The following TRIM69 variants were observed in gnomAD, a reference collection of about 807,000 sequenced individuals.
The protein encoded by TRIM69 is E3 ubiquitin-protein ligase TRIM69.
A neutral mutation model predicts 37.7 loss-of-function variants in TRIM69; 29 were observed. The observed-to-expected ratio is 0.77, with a 90% confidence interval of 0.57 to 1.05. The LOEUF is 1.05. Among genes scored for constraint, TRIM69 ranks in the 50% least tolerant of loss-of-function variants. The pLI is 0.00. For synonymous variants in TRIM69, 209 were observed against 212.4 expected (o/e 0.98, Z 0.14); for missense variants, 596 against 579.9 (o/e 1.03, Z -0.28).
At chr15:44,766,492 C>A (rs1479002161) in intron 6 of TRIM69, among the ~76,000 whole-genome samples, 5 of 152,100 alleles carry the variant, frequency 3.3e-5, no homozygotes, top group Admixed American at 6.5e-5. Context: ...GTTTTTAATC[C>A]ATTTCTTTCT....
intron 1 of TRIM69, among the ~76,000 whole-genome samples, chr15:44,746,158 A>T (rs988032707): frequency 2.0e-5 from 3 of 152,206 alleles, no homozygotes; most frequent in Non-Finnish European, 2.9e-5. Flanking sequence ...TCAATAAGTT[A>T]ACAGCTAATT....
At chr15:44,751,009 G>A (rs1444639013) in intron 1 of TRIM69, among the ~76,000 whole-genome samples, 1 of 122,296 alleles carries the variant, frequency 8.2e-6, no homozygotes, top group East Asian at 2.6e-4. Flanking sequence ...AGGCTACAGT[G>A]CAGTGGAACA....
In TRIM69 at chr15:44,755,258, T is replaced by G. The variant is rs2087620529; in HGVS notation, c.365T>G (p.Leu122Arg). 1 of 1,614,210 alleles carries G rather than the reference T, an allele frequency of 6.2e-7. No homozygotes were observed. The highest frequency in any genetic ancestry group is 8.5e-7 in the Non-Finnish European group (1 of 1,180,032). ...CAGTGCCCAGAGCATGGAGAGAACC[T>G]GAAACTGTTCAGTAAACCAGATGGG... ...HPQCPEHGEN[L>R]KLFSKPDGKL... The change falls in exon 2 of 7, where the codon CTG becomes CGG. Residue 122 changes from leucine to arginine, a missense_variant. Coordinates refer to ENST00000329464, the MANE Select transcript of TRIM69 (RefSeq NM_182985.5).
chr15:44,751,204 C>T (rs2087522072), intron 1 of TRIM69, among the ~76,000 whole-genome samples: 1 of 151,688 alleles, frequency 6.6e-6, no homozygotes, highest in African/African-American at 2.4e-5. Flanking sequence ...CAACCTCCCC[C>T]TCCCAGGTTC....
rs180922299 is a variant in TRIM69, at chr15:44,758,687, A to T, written c.646A>T (p.Ser216Cys). The change falls in exon 4 of 7, where the codon AGC becomes TGC. Residue 216 changes from serine to cysteine, a missense_variant. Coordinates refer to ENST00000329464, the MANE Select transcript of TRIM69 (RefSeq NM_182985.5). Reference protein sequence around the residue: ...EFLKLHQFLHSKEKDILTELR... With the variant: ...EFLKLHQFLHCKEKDILTELR... ...TCTAAAGCTGCATCAGTTCCTGCAC[A>T]GCAAAGAAAAGGACATTTTAACTGA... 5.0e-6 allele frequency: 8 copies of T among 1,614,184 alleles called. No homozygotes were observed. The East Asian group carries it at 1.8e-4, about 36-fold the overall frequency.
chr15:44,742,297 A>G (rs1463413966), intron 1 of TRIM69, among the ~76,000 whole-genome samples: 105 of 128,738 alleles, frequency 8.2e-4, no homozygotes, highest in African/African-American at 2.8e-3. Context: ...TCAATAAATT[A>G]GGTATTGATG....
chr15:44,749,401 C>G (rs180867837), intron 1 of TRIM69, among the ~76,000 whole-genome samples: 1 of 152,200 alleles, frequency 6.6e-6, no homozygotes, highest in Non-Finnish European at 1.5e-5. Flanking sequence ...ATATCTCCTT[C>G]TCTCCAGCCC....
intron 1 of TRIM69, among the ~76,000 whole-genome samples, chr15:44,751,030 A>G (rs1311743871): frequency 1.6e-5 from 2 of 124,488 alleles, no homozygotes; most frequent in Non-Finnish European, 3.1e-5. Context: ...ATCATGGCCC[A>G]CTGCAGCCTG....
chr15:44,762,367 G>A (rs79227989), intron 6 of TRIM69, among the ~76,000 whole-genome samples: 4 of 152,048 alleles, frequency 2.6e-5, no homozygotes, highest in Admixed American at 1.3e-4. Context: ...CTGCTTGTGC[G>A]TCATTGAGCT....
intron 6 of TRIM69, among the ~76,000 whole-genome samples, chr15:44,761,436 AT>A (rs1225379769): frequency 6.6e-6 from 1 of 152,082 alleles, no homozygotes; most frequent in Non-Finnish European, 1.5e-5. Context: ...GTATAGTAGT[AT>A]CTTATTGTGG....
intron 1 of TRIM69, among the ~76,000 whole-genome samples, chr15:44,743,824 G>C (rs1454427553): frequency 6.6e-6 from 1 of 152,218 alleles, no homozygotes; most frequent in East Asian, 1.9e-4. Flanking sequence ...TACAGAGGAT[G>C]TGGATAAATA....
intron 1 of TRIM69, among the ~76,000 whole-genome samples, chr15:44,740,206 A>G (rs987117080): frequency 5.3e-5 from 8 of 152,230 alleles, no homozygotes; most frequent in African/African-American, 1.9e-4. Flanking sequence ...AACAGAAAGG[A>G]CATCCATACC....
At chr15:44,738,242 T>A (rs548687089) in intron 1 of TRIM69, among the ~76,000 whole-genome samples, 24 of 149,894 alleles carry the variant, frequency 1.6e-4, no homozygotes, top group East Asian at 1.6e-3. Context: ...TATTATTATT[T>A]TTTTTTTTAG....
intron 1 of TRIM69, among the ~76,000 whole-genome samples, chr15:44,741,985 T>C (rs1425694473): frequency 6.6e-6 from 1 of 152,140 alleles, no homozygotes; most frequent in Non-Finnish European, 1.5e-5. Context: ...GCATTATCCT[T>C]ATACCAAAGC....
intron 6 of TRIM69, among the ~76,000 whole-genome samples, chr15:44,762,752 A>G (rs2087803555): frequency 6.6e-6 from 1 of 151,984 alleles, no homozygotes; most frequent in Admixed American, 6.6e-5. Flanking sequence ...GCCTTCCTCT[A>G]CATTCTTGAA....
chr15:44,737,982 CTT>C (rs1296526374), intron 1 of TRIM69, among the ~76,000 whole-genome samples: 2 of 151,354 alleles, frequency 1.3e-5, no homozygotes, highest in African/African-American at 4.9e-5. Flanking sequence ...CTTCATAGCT[CTT>C]TGCCTTTTCT....
chr15:44,766,394 C>T (rs1198908178), intron 6 of TRIM69, among the ~76,000 whole-genome samples: 1 of 152,204 alleles, frequency 6.6e-6, no homozygotes, highest in Non-Finnish European at 1.5e-5. Flanking sequence ...AAACCTCTCA[C>T]TATTGTCCTC....
chr15:44,745,344 A>G (rs527528326), intron 1 of TRIM69, among the ~76,000 whole-genome samples: 2 of 152,330 alleles, frequency 1.3e-5, no homozygotes, highest in South Asian at 4.1e-4. Context: ...TGTGACGAAG[A>G]ATACAGACTT....
At chr15:44,747,391 T>G (rs1250446923) in intron 1 of TRIM69, among the ~76,000 whole-genome samples, 1 of 152,162 alleles carries the variant, frequency 6.6e-6, no homozygotes, top group Non-Finnish European at 1.5e-5. Flanking sequence ...ACAAGTCTCT[T>G]GCAAATAGCT....
Sources: allele counts gnomAD v4.1 joint callset (sites outside exome capture counted in the v4.1 genomes callset), GRCh38; gene constraint gnomAD v4.1.1; transcripts MANE v1.5; gene names NCBI Gene and HGNC (gene_info 2026-07-23, HGNC 2026-07-21).